Variants in DPYD observed in about 807,000 individuals in gnomAD.
The protein encoded by DPYD is dihydropyrimidine dehydrogenase [NADP(+)].
DPYD carries 109 observed loss-of-function variants against 116.2 expected under a neutral mutation model. That is an observed-to-expected ratio of 0.94 (90% confidence interval 0.80 to 1.10). The LOEUF (loss-of-function observed/expected upper bound fraction) is 1.10, where lower values mean the gene tolerates loss of function less well. Among genes scored for constraint, DPYD ranks in the 50% least tolerant of loss-of-function variants. The pLI, the probability that DPYD is intolerant of heterozygous loss-of-function variation, is 0.00. For synonymous variants in DPYD, 440 were observed against 432.0 expected, an observed-to-expected ratio of 1.02 and a Z score of -0.23; for missense variants, 1,302 against 1,254.5, an observed-to-expected ratio of 1.04 and a Z score of -0.57.
At chr1:97,542,791 G>GAATT (rs1332751747) in intron 12 of DPYD, among the ~76,000 whole-genome samples, 3 of 148,468 alleles carry the variant, frequency 2.0e-5, no homozygotes, top group South Asian at 2.1e-4. Flanking sequence ...TCTTTTGAAT[G>GAATT]AATGAATTAA....
intron 10 of DPYD, among the ~76,000 whole-genome samples, chr1:97,592,257 T>C (rs1654573793): frequency 6.6e-6 from 1 of 152,234 alleles, no homozygotes; most frequent in African/African-American, 2.4e-5. Flanking sequence ...GGTATTATAT[T>C]TCTCTAATAG....
At chr1:97,482,083 A>G (rs560102036) in intron 13 of DPYD, among the ~76,000 whole-genome samples, 4 of 152,318 alleles carry the variant, frequency 2.6e-5, no homozygotes, top group Admixed American at 2.0e-4. Flanking sequence ...ATAACAAAGT[A>G]TATTATATGT....
At chr1:97,897,399 T>C (rs1377880376) in intron 1 of DPYD, among the ~76,000 whole-genome samples, 1 of 151,896 alleles carries the variant, frequency 6.6e-6, no homozygotes, top group Non-Finnish European at 1.5e-5. Context: ...TTTCTTCTGC[T>C]TAGGTTTCAC....
At chr1:97,384,679 TG>T (rs1026196412) in intron 14 of DPYD, among the ~76,000 whole-genome samples, 1 of 151,900 alleles carries the variant, frequency 6.6e-6, no homozygotes, top group African/African-American at 2.4e-5. Context: ...GTCTTGGTGA[TG>T]AAAAAATAAT....
chr1:97,376,895 A>ATATATATATATATATATATATC (rs1671665899), intron 15 of DPYD, among the ~76,000 whole-genome samples: 1 of 92,706 alleles, frequency 1.1e-5, no homozygotes, highest in African/African-American at 4.1e-5. Context: ...GTGTATATAT[A>ATATATATATATATATATATATC]TATATATGGT....
chr1:97,747,476 T>G (rs747224271), intron 3 of DPYD, among the ~76,000 whole-genome samples: 2 of 152,178 alleles, frequency 1.3e-5, no homozygotes. Context: ...ATTGAGAGTA[T>G]GTACTTAAAG....
intron 11 of DPYD, among the ~76,000 whole-genome samples, chr1:97,569,477 A>C (rs1047186060): frequency 2.0e-5 from 3 of 148,952 alleles, no homozygotes; most frequent in Non-Finnish European, 3.0e-5. Flanking sequence ...TAAAATATAC[A>C]TATACATATT....
chr1:97,712,684 A>G (rs1662360129), intron 5 of DPYD, among the ~76,000 whole-genome samples: 1 of 151,912 alleles, frequency 6.6e-6, no homozygotes, highest in Non-Finnish European at 1.5e-5. Flanking sequence ...CAATACTCCT[A>G]TCCCTCTCTC....
intron 20 of DPYD, among the ~76,000 whole-genome samples, chr1:97,127,446 C>T (rs1652935252): frequency 2.0e-5 from 3 of 152,176 alleles, no homozygotes; most frequent in Non-Finnish European, 4.4e-5. Flanking sequence ...GCTTCATCTT[C>T]CTACGCAGCA....
At chr1:97,121,647 G>A (rs1652435705) in intron 20 of DPYD, among the ~76,000 whole-genome samples, 2 of 152,098 alleles carry the variant, frequency 1.3e-5, no homozygotes, top group Admixed American at 1.3e-4. Context: ...TGCTTTCAGG[G>A]TGCTTTTGAA....
chr1:97,595,131 C>T lies in DPYD; in HGVS notation c.886G>A (p.Gly296Ser), dbSNP rs1017935743. 1.1e-5 allele frequency: 18 copies of T among 1,613,466 alleles called. No individual in the cohort carries two copies. The highest frequency in any genetic ancestry group is 1.3e-5 in the African/African-American group (1 of 74,860). Residue 296 changes from glycine to serine, a missense_variant, in exon 9 of 23, where the codon GGC (glycine) becomes AGC (serine). Transcript: ENST00000370192. ...PEPNKDAIFQ[G>S]LTQDQGFYTS... ...TAAAACCCCTGGTCCTGCGTCAGGC[C>T]TTGGAAGATGGCATCTTTATTGGGT...
chr1:97,903,097 A>G (rs1276824880), intron 1 of DPYD, among the ~76,000 whole-genome samples: 1 of 151,938 alleles, frequency 6.6e-6, no homozygotes, highest in African/African-American at 2.4e-5. Context: ...TTTGCCACTT[A>G]ATTACAAACA....
At chr1:97,818,678 G>T (rs1013781363) in intron 3 of DPYD, among the ~76,000 whole-genome samples, 1 of 151,896 alleles carries the variant, frequency 6.6e-6, no homozygotes, top group East Asian at 1.9e-4. Flanking sequence ...GTCAAATCTT[G>T]CTTTCACTCA....
At chr1:97,881,054 G>A (rs2101637068) in intron 2 of DPYD, among the ~76,000 whole-genome samples, 1 of 151,954 alleles carries the variant, frequency 6.6e-6, no homozygotes, top group East Asian at 1.9e-4. Flanking sequence ...TATGTTATTA[G>A]AAAATAAATT....
chr1:97,590,437 A>C (rs1165109193), intron 10 of DPYD, among the ~76,000 whole-genome samples: 1 of 152,216 alleles, frequency 6.6e-6, no homozygotes, highest in East Asian at 1.9e-4. Context: ...AATCTTTTAT[A>C]GGTAGCACCC....
At chr1:97,260,753 C>T (rs1263793471) in intron 18 of DPYD, among the ~76,000 whole-genome samples, 2 of 152,018 alleles carry the variant, frequency 1.3e-5, no homozygotes, top group Non-Finnish European at 2.9e-5. Context: ...ACAGAAAAAT[C>T]AGGTTCCTAA....
At chr1:97,193,657 G>T (rs1356905480) in intron 19 of DPYD, among the ~76,000 whole-genome samples, 1 of 152,060 alleles carries the variant, frequency 6.6e-6, no homozygotes, top group Non-Finnish European at 1.5e-5. Context: ...TCTGAAAGTG[G>T]TCAAACTGAG....
chr1:97,330,378 C>T (rs1274700462), intron 16 of DPYD, among the ~76,000 whole-genome samples: 2 of 152,120 alleles, frequency 1.3e-5, no homozygotes, highest in Non-Finnish European at 2.9e-5. Context: ...AGGGTATCAT[C>T]AGCCATAATT....
intron 16 of DPYD, among the ~76,000 whole-genome samples, chr1:97,343,938 A>T (rs1300722234): frequency 6.6e-6 from 1 of 151,996 alleles, no homozygotes; most frequent in Admixed American, 6.6e-5. Context: ...CTCCAATGGT[A>T]AATGGTAAAT....
Sources: gnomAD v4.1 joint callset for allele counts (sites outside exome capture counted in the v4.1 genomes callset) on GRCh38, gnomAD v4.1.1 for gene constraint, MANE v1.5 for transcripts, NCBI Gene and HGNC (gene_info 2026-07-23, HGNC 2026-07-21) for gene names.